Variants in NEIL3 observed in about 807,000 individuals in gnomAD.
The protein encoded by NEIL3 is nei like DNA glycosylase 3.
Under a neutral mutation model 57.5 loss-of-function variants are expected in NEIL3, and 48 were observed. The observed-to-expected ratio is 0.83, with a 90% CI of 0.66 to 1.06. The LOEUF (loss-of-function observed/expected upper bound fraction) is 1.06. Among genes scored for constraint, NEIL3 ranks in the 50% least tolerant of loss-of-function variants. The pLI, the probability that NEIL3 is intolerant of heterozygous loss-of-function variation, is 0.00. For synonymous variants in NEIL3, 261 were observed against 253.2 expected (o/e 1.03, Z -0.29); for missense variants, 717 against 739.1 (o/e 0.97, Z 0.35).
intron 8 of NEIL3, among the ~76,000 whole-genome samples, chr4:177,356,499 A>G (rs1197632334): frequency 6.6e-6 from 1 of 152,224 alleles, no homozygotes; most frequent in Non-Finnish European, 1.5e-5. Context: ...AATAAATTGC[A>G]AATTACTGTC....
At chr4:177,349,216 G>A (rs1326086577) in intron 6 of NEIL3, among the ~76,000 whole-genome samples, 1 of 151,734 alleles carries the variant, frequency 6.6e-6, no homozygotes, top group Non-Finnish European at 1.5e-5. Context: ...ATTCATTTCC[G>A]CTGGCTGCCA....
chr4:177,344,020 G>C (rs1224634736), intron 6 of NEIL3, among the ~76,000 whole-genome samples: 1 of 151,992 alleles, frequency 6.6e-6, no homozygotes, highest in African/African-American at 2.4e-5. Context: ...TTATAAATAT[G>C]TTATTTATCA....
rs765313641 is a variant in NEIL3, at chr4:177,335,668, A to AT, written c.279-19dup. The stretch of plus-strand genomic sequence containing the variant: ...ATGATATACTTTCTGCCACTCAAAA[A>AT]TGGTTTGATTTTGTTTCAGGATTCA... On this transcript the variant is annotated intron_variant, in intron 2 of 9. Transcript: ENST00000264596. 43 of 1,607,382 alleles carry AT rather than the reference A, an allele frequency of 2.7e-5. No individual in the cohort carries two copies. Among genetic ancestry groups the AT allele is most frequent in the Non-Finnish European group, 3.5e-5 (41 of 1,177,318 alleles).
intron 1 of NEIL3, 111 bp from the exon 2 acceptor site, chr4:177,322,348 T>A: frequency 7.3e-7 from 1 of 1,365,016 alleles, no homozygotes; most frequent in Non-Finnish European, 1.0e-6. Flanking sequence ...TTCTTCTCAT[T>A]GGAATGCACC....
At chr4:177,339,088 T>C (rs1464991349) in intron 4 of NEIL3, among the ~76,000 whole-genome samples, 2 of 152,222 alleles carry the variant, frequency 1.3e-5, no homozygotes, top group Non-Finnish European at 2.9e-5. Flanking sequence ...TCATATACGA[T>C]TGACTCTTGA....
At chr4:177,357,420 C>T (rs996540031) in intron 8 of NEIL3, among the ~76,000 whole-genome samples, 16 of 148,916 alleles carry the variant, frequency 1.1e-4, no homozygotes, top group African/African-American at 3.4e-4. Flanking sequence ...TTATGTGTGG[C>T]CCAAGACAAT....
chr4:177,337,358 G>A (rs568266505), intron 4 of NEIL3, among the ~76,000 whole-genome samples: 1 of 152,044 alleles, frequency 6.6e-6, no homozygotes, highest in Admixed American at 6.6e-5. Flanking sequence ...CATAAACCCA[G>A]GTTATTTTTT....
intron 1 of NEIL3, among the ~76,000 whole-genome samples, chr4:177,311,322 T>TA (rs1051418135): frequency 5.3e-5 from 8 of 152,128 alleles, no homozygotes; most frequent in African/African-American, 1.7e-4. Context: ...GAAGGAGAGA[T>TA]ACACGATTCT....
chr4:177,320,402 T>G (rs141144946), intron 1 of NEIL3, among the ~76,000 whole-genome samples: 1 of 150,246 alleles, frequency 6.7e-6, no homozygotes, highest in Non-Finnish European at 1.5e-5. Context: ...CATGGTGGCA[T>G]ATACCTACAG....
chr4:177,347,378 A>G (rs1449116626), intron 6 of NEIL3, among the ~76,000 whole-genome samples: 2 of 152,138 alleles, frequency 1.3e-5, no homozygotes, highest in Non-Finnish European at 2.9e-5. Flanking sequence ...TGGCCAAGGC[A>G]AGTTTCTGAG....
intron 4 of NEIL3, among the ~76,000 whole-genome samples, chr4:177,338,632 T>C (rs1735024811): frequency 6.6e-6 from 1 of 152,234 alleles, no homozygotes; most frequent in Non-Finnish European, 1.5e-5. Flanking sequence ...ATGTGCCAAA[T>C]AATAATTCTG....
At chr4:177,354,304 G>A (rs1166112554) in intron 8 of NEIL3, 2 of 151,316 alleles carry the variant, frequency 1.3e-5, no homozygotes, top group African/African-American at 2.4e-5. Flanking sequence ...AGAATATTTG[G>A]AAAATATTGT....
At chr4:177,333,675 C>CTTCCT (rs1461297937) in intron 2 of NEIL3, among the ~76,000 whole-genome samples, 1 of 152,174 alleles carries the variant, frequency 6.6e-6, no homozygotes, top group African/African-American at 2.4e-5. Flanking sequence ...GCAGGGAGAC[C>CTTCCT]TTCCTTTGCT....
At chr4:177,312,412 G>C (rs1342144209) in intron 1 of NEIL3, among the ~76,000 whole-genome samples, 1 of 152,076 alleles carries the variant, frequency 6.6e-6, no homozygotes, top group Non-Finnish European at 1.5e-5. Context: ...ATATAGTAGT[G>C]GTTATTTATT....
chr4:177,314,933 T>TGGGCCTGG (rs71244923), intron 1 of NEIL3, among the ~76,000 whole-genome samples: 1 of 151,118 alleles, frequency 6.6e-6, no homozygotes, highest in Admixed American at 6.6e-5. Context: ...AAAAATTAGC[T>TGGGCCTGG]TGGTGGACGC....
At chr4:177,355,493 A>C (rs775196235) in intron 8 of NEIL3, among the ~76,000 whole-genome samples, 1 of 152,096 alleles carries the variant, frequency 6.6e-6, no homozygotes, top group Non-Finnish European at 1.5e-5. Context: ...ATTTTGTGTA[A>C]TTTTTTTATT....
chr4:177,355,999 C>G (rs1451396177), intron 8 of NEIL3, among the ~76,000 whole-genome samples: 8 of 151,950 alleles, frequency 5.3e-5, no homozygotes, highest in African/African-American at 1.9e-4. Context: ...TCACTTTAAC[C>G]CTAATTAGTG....
chr4:177,370,892 C>A, the NEIL3 span, among the ~76,000 whole-genome samples: 6 of 151,450 alleles, frequency 4.0e-5, no homozygotes, highest in East Asian at 5.8e-4. Flanking sequence ...CAGAGCGAGA[C>A]CCTGTCTCAA....
At chr4:177,317,062 TGAA>T (rs1235159355) in intron 1 of NEIL3, among the ~76,000 whole-genome samples, 1 of 152,242 alleles carries the variant, frequency 6.6e-6, no homozygotes, top group African/African-American at 2.4e-5. Flanking sequence ...TCTGCTGCAC[TGAA>T]GTCATTTGAT....
Sources: gnomAD v4.1 joint callset for allele counts (sites outside exome capture counted in the v4.1 genomes callset) on GRCh38, gnomAD v4.1.1 for gene constraint, MANE v1.5 for transcripts, NCBI Gene and HGNC (gene_info 2026-07-23, HGNC 2026-07-21) for gene names.